The following DYNC2I1 variants were observed in gnomAD, a reference collection of about 807,000 sequenced individuals.
DYNC2I1 encodes cytoplasmic dynein 2 intermediate chain 1.
In DYNC2I1, 89 loss-of-function variants were observed where a neutral mutation model predicts 133.4. That is an observed-to-expected ratio of 0.67 (90% CI 0.56 to 0.80). The LOEUF (loss-of-function observed/expected upper bound fraction) is 0.80. Ranked by LOEUF, DYNC2I1 falls within the 30% of genes least tolerant of loss-of-function variation. The pLI, the probability that DYNC2I1 is intolerant of heterozygous loss-of-function variation, is 0.00. For synonymous variants in DYNC2I1, 504 were observed against 484.3 expected, an observed-to-expected ratio of 1.04 and a Z score of -0.54; for missense variants, 1,291 against 1,314.5, an observed-to-expected ratio of 0.98 and a Z score of 0.28.
downstream of DYNC2I1, among the ~76,000 whole-genome samples, chr7:158,957,329 G>A (rs1027606517): frequency 1.3e-5 from 2 of 152,238 alleles, no homozygotes; most frequent in African/African-American, 4.8e-5. Flanking sequence ...CTCCTGTGGG[G>A]CCGATTCTGG....
In DYNC2I1 at chr7:158,923,646, T is replaced by G. The variant is rs779702500; in HGVS notation, c.2170T>G (p.Trp724Gly). The change falls in exon 17 of 25, where the codon TGG becomes GGG. Residue 724 changes from tryptophan (W) to glycine (G), a missense_variant. Coordinates refer to ENST00000407559, the MANE Select transcript of DYNC2I1 (RefSeq NM_018051.5). Reference sequence around the variant, plus strand: ...AACAGCGCACGGCTCAGTTGTCGTCTGGGATTTGAGAGAAGACTCAAGGCT... The same window carrying G: ...AACAGCGCACGGCTCAGTTGTCGTCGGGGATTTGAGAGAAGACTCAAGGCT... ...AGTAHGSVVV[W>G]DLREDSRLHY... 6.2e-7 allele frequency: 1 copy of G among 1,614,000 alleles called. No homozygotes were observed. The highest frequency in any genetic ancestry group is 8.5e-7 in the Non-Finnish European group (1 of 1,179,898).
intron 11 of DYNC2I1, among the ~76,000 whole-genome samples, chr7:158,907,120 T>G (rs986300568): frequency 4.6e-5 from 7 of 150,752 alleles, no homozygotes; most frequent in African/African-American, 1.7e-4. Flanking sequence ...GCTGCACCAC[T>G]GCACTCCAGC....
rs547368279 is a variant in DYNC2I1 at position 158,876,864 on chromosome 7, T to G, written c.573+173T>G. ...TTCTTTCTCCTCATAGTCAAGTGCG[T>G]TTTTCTGATTCCAAAGGTAGTATGT... On this transcript the variant is annotated intron_variant, in intron 4 of 24. Coordinates refer to ENST00000407559, the MANE Select transcript of DYNC2I1 (RefSeq NM_018051.5). Among the ~76,000 whole-genome samples the G allele has an allele frequency of 2.0e-5, 3 of 152,304 alleles. No individual in the cohort carries two copies. The South Asian group carries it at 6.2e-4, about 32-fold the overall frequency.
In DYNC2I1 at chr7:158,918,832, C is replaced by T. The variant is rs1848738488; in HGVS notation, c.1884C>T (p.Ser628=). ...ACAGGGCCCTGTATTTTAGTGACAG[C>T]TCATCTCAGCTGAACACCAGTCTAC... The part of the protein sequence containing the change: ...AQDRALYFSD[S]SSQLNTSLPF... Residue 628 remains serine, a synonymous_variant, in exon 15 of 25, where the codon AGC becomes AGT. Transcript: ENST00000407559. 3 of 1,613,718 alleles carry T rather than the reference C, an allele frequency of 1.9e-6. No homozygotes were observed. Among genetic ancestry groups the T allele is most frequent in the African/African-American group, 1.3e-5 (1 of 74,930 alleles).
At chr7:158,915,806 C>G (rs368937420) in intron 14 of DYNC2I1, among the ~76,000 whole-genome samples, 6 of 97,400 alleles carry the variant, frequency 6.2e-5, no homozygotes, top group Non-Finnish European at 9.0e-5. Context: ...CGTCGACACG[C>G]TGGTTGACAT....
At chr7:158,857,540 G>GTTTTT (rs1278230154) in intron 1 of DYNC2I1, among the ~76,000 whole-genome samples, 1 of 100,904 alleles carries the variant, frequency 9.9e-6, no homozygotes, top group Non-Finnish European at 2.0e-5. Flanking sequence ...TTAGGTTTTT[G>GTTTTT]TTTTTTTTTT....
At chr7:158,899,708 G>T (rs1034672785) in intron 8 of DYNC2I1, among the ~76,000 whole-genome samples, 20 of 152,106 alleles carry the variant, frequency 1.3e-4, no homozygotes, top group African/African-American at 4.1e-4. Context: ...GTTTATCAGG[G>T]GTTTCTGCTT....
At chr7:158,935,541 C>A (rs1166257850) in intron 23 of DYNC2I1, among the ~76,000 whole-genome samples, 1 of 152,146 alleles carries the variant, frequency 6.6e-6, no homozygotes, top group Non-Finnish European at 1.5e-5. Flanking sequence ...TCTTATAGTA[C>A]TTAAAACATT....
intron 7 of DYNC2I1, among the ~76,000 whole-genome samples, chr7:158,889,334 C>T (rs930890957): frequency 1.3e-5 from 2 of 151,794 alleles, no homozygotes; most frequent in African/African-American, 4.8e-5. Context: ...CCTGTCTCGG[C>T]TTCCCAAAGT....
intron 10 of DYNC2I1, chr7:158,905,186 G>T: frequency 2.6e-6 from 1 of 382,814 alleles, no homozygotes; most frequent in Non-Finnish European, 5.0e-6. Flanking sequence ...TGTCTCCCGT[G>T]CTGGAGTACA....
chr7:158,927,563 T>C (rs1001161182), intron 20 of DYNC2I1, among the ~76,000 whole-genome samples: 12 of 152,148 alleles, frequency 7.9e-5, no homozygotes, highest in Non-Finnish European at 1.6e-4. Context: ...ATGAATTTTT[T>C]TTTTTTTTGA....
chr7:158,934,528 A>T lies in DYNC2I1; in HGVS notation c.2757A>T (p.Pro919=). The T allele has an allele frequency of 1.9e-6, 3 of 1,555,048 alleles. No homozygotes were observed. The highest frequency in any genetic ancestry group is 2.6e-6 in the Non-Finnish European group (3 of 1,148,662). ...PVKVNVIDFS[P]FGEPIFLAGC... ...AAGTTAATGTCATTGATTTTTCACCATTTGGAGAACCAATATTTTTGGTAA... is the reference window on the plus strand; with the variant it reads ...AAGTTAATGTCATTGATTTTTCACCTTTTGGAGAACCAATATTTTTGGTAA... Residue 919 remains proline (P), a synonymous_variant, in exon 23 of 25, where the codon CCA becomes CCT. Transcript: ENST00000407559.
chr7:158,937,250 G>A (rs1378297027), intron 23 of DYNC2I1, among the ~76,000 whole-genome samples: 1 of 152,242 alleles, frequency 6.6e-6, no homozygotes, highest in East Asian at 1.9e-4. Context: ...TTGCTGGACT[G>A]CAGAAATTCA....
At chr7:158,842,943 G>A in the DYNC2I1 span, among the ~76,000 whole-genome samples, 2 of 152,186 alleles carry the variant, frequency 1.3e-5, no homozygotes, top group African/African-American at 2.4e-5. Flanking sequence ...CCACTCAGAT[G>A]CTCCTTAACA....
At chr7:158,912,907 T>C in intron 12 of DYNC2I1, 78 bp from the exon 13 acceptor site, 1 of 1,011,602 alleles carries the variant, frequency 9.9e-7, no homozygotes, top group Non-Finnish European at 1.5e-6. Flanking sequence ...ACACAGTGAC[T>C]CTCATTATTA....
In DYNC2I1 at chr7:158,872,015, T is replaced by C. The variant is rs140175744; in HGVS notation, c.490+453T>C. 8.3e-4 allele frequency among the ~76,000 whole-genome samples: 127 copies of C among 152,288 alleles called. 1 individual carries two copies. The East Asian group carries it at 0.016, about 19-fold the overall frequency. ...CTTTTTATCATTGTTTTTCTTTTGG[T>C]ATTTTAAAAACTTGTTCAGGCCAGG... On this transcript the variant is annotated intron_variant, in intron 3 of 24. Coordinates refer to ENST00000407559, the MANE Select transcript of DYNC2I1 (RefSeq NM_018051.5).
chr7:158,871,128 T>C lies in DYNC2I1; in HGVS notation c.70-14T>C. ...CTTCCTGGTCACGGAGGACCCTTTG[T>C]TCTCTTGTTTCAGGCCATACAGTCA... On this transcript the variant is annotated splice_polypyrimidine_tract_variant and intron_variant, in intron 2 of 24. Coordinates refer to ENST00000407559, the MANE Select transcript of DYNC2I1 (RefSeq NM_018051.5). 1 of 1,602,832 alleles carries C rather than the reference T, an allele frequency of 6.2e-7. No homozygotes were observed. Among genetic ancestry groups the C allele is most frequent in the Non-Finnish European group, 8.5e-7 (1 of 1,175,436 alleles).
At chr7:158,919,661 G>A (rs1009781185) in intron 15 of DYNC2I1, among the ~76,000 whole-genome samples, 4 of 152,168 alleles carry the variant, frequency 2.6e-5, no homozygotes, top group African/African-American at 7.2e-5. Context: ...CATTTCTTCC[G>A]TCCTGCCTGC....
intron 15 of DYNC2I1, among the ~76,000 whole-genome samples, chr7:158,920,481 A>G (rs942606773): frequency 1.3e-5 from 2 of 150,892 alleles, no homozygotes; most frequent in Admixed American, 1.3e-4. Context: ...GGCCTCCATC[A>G]GGGAACACAT....
Sources: allele counts gnomAD v4.1 joint callset (sites outside exome capture counted in the v4.1 genomes callset), GRCh38; gene constraint gnomAD v4.1.1; transcripts MANE v1.5; gene names NCBI Gene and HGNC (gene_info 2026-07-23, HGNC 2026-07-21).